The following ANKDD1A variants were observed in gnomAD, a reference collection of about 807,000 sequenced individuals.
ANKDD1A encodes the protein ankyrin repeat and death domain-containing protein 1A.
A neutral mutation model predicts 63.5 loss-of-function variants in ANKDD1A; 59 were observed. The ratio of observed to expected loss-of-function variants is 0.93; its 90% CI spans 0.75 to 1.15. The LOEUF (loss-of-function observed/expected upper bound fraction) is 1.15. Ranked by LOEUF, ANKDD1A falls within the 50% of genes most tolerant of loss-of-function variation. The pLI is 0.00. For synonymous variants in ANKDD1A, 266 were observed against 263.9 expected (o/e 1.01, Z -0.08); for missense variants, 632 against 656.4 (o/e 0.96, Z 0.41).
At chr15:64,952,916 C>A (rs1302536508) in intron 14 of ANKDD1A, among the ~76,000 whole-genome samples, 1 of 135,676 alleles carries the variant, frequency 7.4e-6, no homozygotes, top group African/African-American at 2.6e-5. Flanking sequence ...CTCTTCTTCT[C>A]CTTCTTCTTA....
intron 14 of ANKDD1A, among the ~76,000 whole-genome samples, chr15:64,954,540 CCTTCTTCTTTT>C (rs2085389971): frequency 6.9e-6 from 1 of 145,024 alleles, no homozygotes; most frequent in Admixed American, 7.1e-5. Context: ...TCCTCCTTCT[CCTTCTTCTTTT>C]CTTCTTCCTT....
rs2085109792 is a variant in ANKDD1A, at chr15:64,934,183, T to C, written c.816T>C (p.Asp272=). The C allele has an allele frequency of 6.2e-7, 1 of 1,612,456 alleles. No homozygotes were observed. ...LHYAALSGSE[D]VSRVLIHAGG... ...ATGCAGCCCTCAGTGGCTCGGAGGA[T>C]GTGTCTCGGGTCCTCATCCACGCAG... Residue 272 remains aspartate, a synonymous_variant, in exon 9 of 15, where the codon GAT becomes GAC. Transcript: ENST00000319580.
At chr15:64,942,665 G>T in intron 10 of ANKDD1A, 100 bp downstream of exon 10, 4 of 698,912 alleles carry the variant, frequency 5.7e-6, no homozygotes, top group East Asian at 3.4e-5. Flanking sequence ...CCAGAGTTGA[G>T]GAATCACTTT....
At chr15:64,953,171 T>C (rs1188213846) in intron 14 of ANKDD1A, among the ~76,000 whole-genome samples, 2,918 of 34,170 alleles carry the variant, frequency 0.085, 47 homozygotes, top group East Asian at 0.23. Context: ...TTTCCTTCTT[T>C]TCTTCTTTTT....
At chr15:64,929,375 T>C (rs1215811697) in intron 6 of ANKDD1A, among the ~76,000 whole-genome samples, 1 of 152,150 alleles carries the variant, frequency 6.6e-6, no homozygotes, top group Non-Finnish European at 1.5e-5. Flanking sequence ...AGTCTTACTA[T>C]ATTGCCCAGG....
intron 14 of ANKDD1A, among the ~76,000 whole-genome samples, chr15:64,953,999 CCTTTCTTCTTCCTTCTTTCCTCTTCTTTT>C (rs1566749593): frequency 1.8e-5 from 2 of 112,938 alleles, no homozygotes; most frequent in Non-Finnish European, 3.6e-5. Context: ...TCCTTTCTTT[CCTTTCTTCTTCCTTCTTTCCTCTTCTTTT>C]CTTTCTTCTT....
rs762635929 is a variant in ANKDD1A, at chr15:64,942,576, A to T, written c.966+11A>T. On this transcript the variant is annotated intron_variant, in intron 10 of 14. Transcript: ENST00000319580. ...AATGCCGTGGACAATGTAAGTGGCTACAGAGACCTTCCGGGCCCCAGGGAG... is the reference window on the plus strand; with the variant it reads ...AATGCCGTGGACAATGTAAGTGGCTTCAGAGACCTTCCGGGCCCCAGGGAG... 17 of 1,608,760 alleles carry T rather than the reference A, an allele frequency of 1.1e-5. No individual in the cohort carries two copies. The highest frequency in any genetic ancestry group is 1.7e-6 in the Non-Finnish European group (2 of 1,177,212).
At chr15:64,934,982 T>C (rs910279767) in intron 9 of ANKDD1A, among the ~76,000 whole-genome samples, 1 of 152,126 alleles carries the variant, frequency 6.6e-6, no homozygotes, top group African/African-American at 2.4e-5. Flanking sequence ...CTCAGCACTA[T>C]GGGAGGCCGA....
rs746492028 is a variant in ANKDD1A, at chr15:64,931,555, G to C, written c.738G>C (p.Arg246Ser). The change falls in exon 8 of 15, where the codon AGG becomes AGC. Residue 246 changes from arginine (R) to serine (S), a missense_variant. Physicochemically the swap from Arg to Ser is moderately radical, Grantham distance 110 (BLOSUM62 -1). Coordinates refer to ENST00000319580, the MANE Select transcript of ANKDD1A (RefSeq NM_182703.6). ...CTGACTGTGTGCAGCTCCTCCTCAG[G>C]GCTGGGAGCACCGTGAATGCCCTCA... ...SHPDCVQLLL[R>S]AGSTVNALTQ... 63 of 1,613,964 alleles carry C rather than the reference G, an allele frequency of 3.9e-5. No homozygotes were observed. The highest frequency in any genetic ancestry group is 5.2e-5 in the Non-Finnish European group (61 of 1,180,034).
chr15:64,940,392 A>G (rs376574476), intron 9 of ANKDD1A, among the ~76,000 whole-genome samples: 1 of 132,072 alleles, frequency 7.6e-6, no homozygotes, highest in African/African-American at 2.7e-5. Context: ...GGATAGGATG[A>G]TTGATAGATA....
At chr15:64,942,671 ACT>A in intron 10 of ANKDD1A, 106 bp downstream of exon 10, 5 of 529,218 alleles carry the variant, frequency 9.4e-6, no homozygotes, top group Admixed American at 6.8e-5. Context: ...TTGAGGAATC[ACT>A]TTTTTTTTTT....
chr15:64,936,291 A>G (rs1030951400), intron 9 of ANKDD1A, among the ~76,000 whole-genome samples: 4 of 152,142 alleles, frequency 2.6e-5, no homozygotes, highest in Non-Finnish European at 5.9e-5. Flanking sequence ...CTCCAGCTAG[A>G]AAGAATTCAG....
chr15:64,944,055 C>A (rs1235116416), intron 11 of ANKDD1A, among the ~76,000 whole-genome samples: 2 of 152,192 alleles, frequency 1.3e-5, no homozygotes. Context: ...GGAGGGGCAC[C>A]TGCACATGTG....
chr15:64,954,390 CTTTCTTCT>C (rs1234631355), intron 14 of ANKDD1A, among the ~76,000 whole-genome samples: 3 of 43,134 alleles, frequency 7.0e-5, no homozygotes, highest in South Asian at 2.5e-3. Flanking sequence ...TTTTCTTCTT[CTTTCTTCT>C]TCCTTCCTCT....
At chr15:64,926,786 G>A in intron 5 of ANKDD1A, 115 bp from the exon 6 acceptor site, 1 of 1,050,640 alleles carries the variant, frequency 9.5e-7, no homozygotes, top group Non-Finnish European at 1.5e-6. Context: ...AGTGTCTGGG[G>A]CAGGAGAGGC....
At chr15:64,933,992 T>A in intron 8 of ANKDD1A, 144 bp from the exon 9 acceptor site, 2 of 593,344 alleles carry the variant, frequency 3.4e-6, no homozygotes, top group Non-Finnish European at 5.7e-6. Context: ...GGGAAAGTCA[T>A]TGATTTTTCC....
chr15:64,952,409 CTTCTCCTT>C (rs2085307836), intron 14 of ANKDD1A, among the ~76,000 whole-genome samples: 6 of 9,412 alleles, frequency 6.4e-4, no homozygotes, highest in African/African-American at 9.0e-4. Context: ...CCTTCTTCTT[CTTCTCCTT>C]CTTAGTTTTC....
At chr15:64,937,308 T>C (rs1185767156) in intron 9 of ANKDD1A, among the ~76,000 whole-genome samples, 1 of 152,236 alleles carries the variant, frequency 6.6e-6, no homozygotes, top group Non-Finnish European at 1.5e-5. Flanking sequence ...TATGGAATGA[T>C]AATATGTACA....
Position 64,946,084 on chromosome 15 carries a change from T to G in ANKDD1A, c.1162-1320T>G, listed in dbSNP as rs187432086. Among the ~76,000 whole-genome samples, 3 of 152,356 alleles carry G rather than the reference T, an allele frequency of 2.0e-5. No homozygotes were observed. The East Asian group carries it at 5.8e-4, about 29-fold the overall frequency. ...ATTCTATTTATACAACTAGTAAATT[T>G]TTCCTGTCAGTTTCAAGGAAGTCTT... On this transcript the variant is annotated intron_variant, in intron 12 of 14. Coordinates refer to ENST00000319580, the MANE Select transcript of ANKDD1A (RefSeq NM_182703.6).
Sources: allele counts gnomAD v4.1 joint callset (sites outside exome capture counted in the v4.1 genomes callset), GRCh38; gene constraint gnomAD v4.1.1; transcripts MANE v1.5; gene names NCBI Gene and HGNC (gene_info 2026-07-23, HGNC 2026-07-21).